The following CCDC33 variants were observed in gnomAD, a reference collection of about 807,000 sequenced individuals.
The protein encoded by CCDC33 is coiled-coil domain-containing protein 33.
A neutral mutation model predicts 91.9 loss-of-function variants in CCDC33; 94 were observed. The ratio of observed to expected loss-of-function variants is 1.02; its 90% CI spans 0.87 to 1.21. CCDC33 has a LOEUF of 1.21. CCDC33 is among the 50% of genes most tolerant of loss of function. The pLI is 0.00. For missense variants in CCDC33, 940 were observed against 935.5 expected (o/e 1.00, Z -0.06); for synonymous variants, 396 against 374.5 (o/e 1.06, Z -0.66).
At chr15:74,217,649 G>T in intron 1 of CCDC33, 1 of 1,126,246 alleles carries the variant, frequency 8.9e-7, no homozygotes, top group Non-Finnish European at 1.1e-6. Flanking sequence ...CCCTTTCTGG[G>T]ACCCCAGAGA....
chr15:74,231,424 C>T (rs1187422205), upstream of CCDC33, among the ~76,000 whole-genome samples: 1 of 152,248 alleles, frequency 6.6e-6, no homozygotes, highest in African/African-American at 2.4e-5. Context: ...ACCTCAATCT[C>T]CTTTGACACC....
In CCDC33 at chr15:74,241,595, T is replaced by G. The variant is rs574069259; in HGVS notation, c.22-2390T>G. On this transcript the variant is annotated intron_variant, in intron 1 of 18. Transcript: ENST00000398814. ...GCTCTGAGAGAAGCAGCAAGCTACTTCAGGGTTCTGAGCAGAGGAGAGAGA... is the reference window on the plus strand; with the variant it reads ...GCTCTGAGAGAAGCAGCAAGCTACTGCAGGGTTCTGAGCAGAGGAGAGAGA... Among the ~76,000 whole-genome samples, 42 of 152,320 alleles carry G rather than the reference T, an allele frequency of 2.8e-4. No homozygotes were observed. In the South Asian group the frequency reaches 5.8e-3, roughly 21 times the overall value.
chr15:74,219,453 C>CA (rs745980472), intron 2 of CCDC33, among the ~76,000 whole-genome samples: 1 of 152,184 alleles, frequency 6.6e-6, no homozygotes, highest in Non-Finnish European at 1.5e-5. Context: ...TGCTTGATGC[C>CA]ATTTAATGTC....
At chr15:74,221,434 C>A in intron 2 of CCDC33, 2 of 540,304 alleles carry the variant, frequency 3.7e-6, no homozygotes, top group Non-Finnish European at 4.7e-6. Context: ...TTCTCAGCCA[C>A]GGCCCCTGGG....
chr15:74,311,056 A>G (rs1296370092), intron 11 of CCDC33, among the ~76,000 whole-genome samples: 6 of 143,064 alleles, frequency 4.2e-5, no homozygotes, highest in African/African-American at 1.6e-4. Flanking sequence ...CTGCCTGGAC[A>G]GGGCGCACGG....
chr15:74,254,702 T>C (rs888200528), intron 2 of CCDC33, among the ~76,000 whole-genome samples: 18 of 151,654 alleles, frequency 1.2e-4, no homozygotes, highest in African/African-American at 3.9e-4. Flanking sequence ...TCAATGCTCC[T>C]GGCTCAGTCC....
intron 1 of CCDC33, among the ~76,000 whole-genome samples, chr15:74,238,329 A>C (rs926871343): frequency 1.5e-4 from 23 of 150,808 alleles, no homozygotes; most frequent in African/African-American, 5.6e-4. Flanking sequence ...AATTGCTTGA[A>C]CCCAGGAGGC....
At chr15:74,227,952 G>A (rs1035543033) in intron 2 of CCDC33, among the ~76,000 whole-genome samples, 5 of 152,128 alleles carry the variant, frequency 3.3e-5, no homozygotes, top group Non-Finnish European at 7.4e-5. Context: ...CAGGCAGCCT[G>A]GAAGCCACCC....
intron 2 of CCDC33, 140 bp from the exon 3 acceptor site, chr15:74,262,300 C>A: frequency 8.9e-7 from 1 of 1,121,444 alleles, no homozygotes; most frequent in Non-Finnish European, 1.3e-6. Flanking sequence ...CCTGGGATGA[C>A]ACAAGTGTCT....
chr15:74,285,279 A>C (rs2059450613), intron 10 of CCDC33, among the ~76,000 whole-genome samples: 1 of 151,828 alleles, frequency 6.6e-6, no homozygotes, highest in Admixed American at 6.6e-5. Flanking sequence ...CAGCTTCCCC[A>C]CACCCGCCAC....
chr15:74,299,561 G>A (rs2059752379), intron 11 of CCDC33: 1 of 152,272 alleles, frequency 6.6e-6, no homozygotes, highest in Admixed American at 6.5e-5. Context: ...GTGGCCCAGG[G>A]ATGGGCAGGA....
At chr15:74,270,629 G>A (rs1421254809) in intron 5 of CCDC33, among the ~76,000 whole-genome samples, 1 of 152,136 alleles carries the variant, frequency 6.6e-6, no homozygotes, top group African/African-American at 2.4e-5. Flanking sequence ...CCGAGTGGGA[G>A]GTGGGTGAGG....
At chr15:74,335,524 C>G in intron 18 of CCDC33, 1 of 370,982 alleles carries the variant, frequency 2.7e-6, no homozygotes, top group Non-Finnish European at 4.9e-6. Context: ...TCCACTTTGC[C>G]AACTTCCCGA....
intron 11 of CCDC33, among the ~76,000 whole-genome samples, chr15:74,324,544 A>G (rs2060270273): frequency 6.7e-6 from 1 of 150,342 alleles, no homozygotes; most frequent in East Asian, 2.0e-4. Flanking sequence ...TTTTCCTCCT[A>G]CCTCTCTGGC....
Position 74,333,985 on chromosome 15 carries a change from G to A in CCDC33, c.2025+18G>A, listed in dbSNP as rs1253514570. ...AAAGCCAGGTGGGTGAGATGCAGGA[G>A]TTGATGAGGCTGGATCAGGCTCACC... is the stretch of plus-strand genomic sequence containing the variant. On this transcript the variant is annotated intron_variant, in intron 17 of 18. Transcript: ENST00000398814. 6.2e-7 allele frequency: 1 copy of A among 1,608,540 alleles called. No individual in the cohort carries two copies. Among genetic ancestry groups the A allele is most frequent in the African/African-American group, 1.3e-5 (1 of 74,824 alleles).
chr15:74,208,463 G>C (rs2074311961), intron 1 of CCDC33, among the ~76,000 whole-genome samples: 2 of 152,148 alleles, frequency 1.3e-5, no homozygotes, highest in South Asian at 2.1e-4. Context: ...CTGCTGGGCA[G>C]ATCCCCTGAC....
Position 74,279,205 on chromosome 15 carries a change from A to G in CCDC33, c.760-758A>G, listed in dbSNP as rs116663697. 6.6e-3 allele frequency among the ~76,000 whole-genome samples: 1,006 copies of G among 152,358 alleles called. 9 individuals are homozygous for G. The highest frequency in any genetic ancestry group is 0.023 in the African/African-American group (945 of 41,574). ...GAAGATATGTAGCAGAGAACGTTCA[A>G]TGCAGTGTTATTACAGGGAAAAATG... On this transcript the variant is annotated intron_variant, in intron 7 of 18. Coordinates refer to ENST00000398814, the MANE Select transcript of CCDC33 (RefSeq NM_025055.5).
At chr15:74,330,515 G>A (rs2060408717) in intron 12 of CCDC33, 148 bp from the exon 13 acceptor site, 5 of 1,071,802 alleles carry the variant, frequency 4.7e-6, no homozygotes, top group Non-Finnish European at 6.9e-6. Flanking sequence ...TCCCTGCCCA[G>A]CTGGGTCCTC....
At chr15:74,238,570 A>T (rs2075253006) in intron 1 of CCDC33, among the ~76,000 whole-genome samples, 1 of 152,170 alleles carries the variant, frequency 6.6e-6, no homozygotes, top group African/African-American at 2.4e-5. Context: ...AATATGCAGC[A>T]AACATTTTCT....
Sources: allele counts gnomAD v4.1 joint callset (sites outside exome capture counted in the v4.1 genomes callset), GRCh38; gene constraint gnomAD v4.1.1; transcripts MANE v1.5; gene names NCBI Gene and HGNC (gene_info 2026-07-23, HGNC 2026-07-21).